Variants in GCA observed in about 807,000 individuals in gnomAD.
The protein encoded by GCA is grancalcin, EF-hand calcium-binding protein.
GCA carries 30 observed loss-of-function variants against 32.6 expected under a neutral mutation model. The observed-to-expected ratio is 0.92, with a 90% CI of 0.69 to 1.25. The LOEUF (loss-of-function observed/expected upper bound fraction) is 1.25, where lower values mean the gene tolerates loss of function less well. Ranked by LOEUF, GCA falls within the 50% of genes most tolerant of loss-of-function variation. The pLI is 0.00. For missense variants in GCA, 291 were observed against 266.8 expected, an observed-to-expected ratio of 1.09 and a Z score of -0.63; for synonymous variants, 102 against 84.6, an observed-to-expected ratio of 1.21 and a Z score of -1.13.
At chr2:162,320,269 C>A (rs1013415555) in intron 1 of GCA, among the ~76,000 whole-genome samples, 2 of 152,160 alleles carry the variant, frequency 1.3e-5, no homozygotes, top group African/African-American at 2.4e-5. Flanking sequence ...TGGGAGATGA[C>A]CTTGTACCCA....
intron 7 of GCA, 141 bp downstream of exon 7, chr2:162,359,693 C>T: frequency 2.3e-6 from 1 of 427,798 alleles, no homozygotes; most frequent in Non-Finnish European, 4.3e-6. Flanking sequence ...CAGTGTAACA[C>T]AAATATAAGA....
At chr2:162,371,850 A>T (rs771019746), downstream of GCA, 1 of 1,610,156 alleles carries the variant, frequency 6.2e-7, no homozygotes, top group Non-Finnish European at 8.5e-7. Flanking sequence ...GAAGACCAGG[A>T]TCAGAAACAT....
intron 1 of GCA, among the ~76,000 whole-genome samples, chr2:162,346,396 G>A (rs1359461885): frequency 6.6e-6 from 1 of 152,324 alleles, no homozygotes; most frequent in East Asian, 1.9e-4. Context: ...CTGGTGGTCA[G>A]ATTAATGATG....
chr2:162,360,023 G>GT (rs1409309388), intron 7 of GCA, among the ~76,000 whole-genome samples, 194 bp from the exon 8 acceptor site: 1 of 151,142 alleles, frequency 6.6e-6, no homozygotes. Flanking sequence ...ATGTTTCAGG[G>GT]TTTTTGTTTT....
intron 2 of GCA, among the ~76,000 whole-genome samples, chr2:162,351,433 C>G (rs183472046): frequency 1.8e-4 from 28 of 152,324 alleles, no homozygotes; most frequent in Non-Finnish European, 3.4e-4. Context: ...ATTCAGCTTT[C>G]TACCGCTAAT....
At chr2:162,372,735 A>G (rs1040164939), downstream of GCA, among the ~76,000 whole-genome samples, 1 of 152,156 alleles carries the variant, frequency 6.6e-6, no homozygotes, top group South Asian at 2.1e-4. Context: ...ACAAATCTTT[A>G]TTTAAATCAT....
At chr2:162,335,008 A>G (rs949224663) in intron 1 of GCA, among the ~76,000 whole-genome samples, 6 of 152,168 alleles carry the variant, frequency 3.9e-5, no homozygotes, top group African/African-American at 1.2e-4. Flanking sequence ...GAAACCACCC[A>G]TTTCCTCATC....
chr2:162,334,553 G>A (rs966371217), intron 1 of GCA, among the ~76,000 whole-genome samples: 2 of 152,112 alleles, frequency 1.3e-5, no homozygotes, highest in South Asian at 2.1e-4. Context: ...TATAGGGATC[G>A]TTTTCATGAC....
exon 1 of GCA, chr2:162,319,181 C>T (rs1170770446): frequency 4.4e-6 from 2 of 456,910 alleles, no homozygotes; most frequent in Middle Eastern, 3.3e-4. Flanking sequence ...AACCTGACCT[C>T]CTGTGGGTTC....
In GCA at chr2:162,360,349, T is replaced by C; in HGVS notation, c.*106T>C. The C allele has an allele frequency of 4.1e-6, 6 of 1,461,820 alleles. No homozygotes were observed. The highest frequency in any genetic ancestry group is 5.4e-6 in the Non-Finnish European group (6 of 1,106,176). 90.6% of individuals were successfully genotyped at this position (1,461,820 alleles called of 1,614,324 possible). A position where few individuals can be genotyped will look rare whatever the true frequency, so the allele number is the denominator to read the frequency against. The stretch of plus-strand genomic sequence containing the variant: ...AAGGGTTTTCTATGTTCTTCCTACC[T>C]GTTAAACCTCTTCCCTTTCTGTGTG... On this transcript the variant is annotated 3_prime_UTR_variant, in exon 8 of 8. Coordinates refer to ENST00000437150, the MANE Select transcript of GCA (RefSeq NM_012198.5).
chr2:162,344,087 T>A, upstream of GCA: 1 of 707,206 alleles, frequency 1.4e-6, no homozygotes, highest in Non-Finnish European at 2.5e-6. Context: ...AGGGCGGGGC[T>A]GGCCTGCGGA....
At chr2:162,373,573 A>T, downstream of GCA, 2 of 1,592,672 alleles carry the variant, frequency 1.3e-6, no homozygotes, top group South Asian at 1.1e-5. Flanking sequence ...TCCTGCTGTT[A>T]CCATACTGTA....
chr2:162,355,688 A>G (rs1457596342), intron 3 of GCA, among the ~76,000 whole-genome samples: 1 of 151,972 alleles, frequency 6.6e-6, no homozygotes, highest in Non-Finnish European at 1.5e-5. Flanking sequence ...AAGTGTTAAT[A>G]TTTCAAATCA....
At position 162,361,936 on chromosome 2, in the gene GCA, C is replaced by A. The variant is rs1027919751; in HGVS notation, c.*1693C>A. ...GGTCGTTACTGAACTATTCTGCGGTCGATTATGATTATCTCTCTTACTTGG... is the reference window on the plus strand; with the variant it reads ...GGTCGTTACTGAACTATTCTGCGGTAGATTATGATTATCTCTCTTACTTGG... On this transcript the variant is annotated 3_prime_UTR_variant, in exon 8 of 8. Coordinates refer to ENST00000437150, the MANE Select transcript of GCA (RefSeq NM_012198.5). The A allele has an allele frequency of 1.0e-6, 1 of 984,006 alleles. No individual in the cohort carries two copies. The highest frequency in any genetic ancestry group is 1.2e-6 in the Non-Finnish European group (1 of 829,054). The allele number at this position is 984,006 out of a possible 1,614,324, so 61.0% of individuals were successfully genotyped here. A position where few individuals can be genotyped will look rare whatever the true frequency, so the allele number is the denominator to read the frequency against.
chr2:162,364,345 T>C (rs1685685986), downstream of GCA, among the ~76,000 whole-genome samples: 1 of 151,500 alleles, frequency 6.6e-6, no homozygotes, highest in African/African-American at 2.4e-5. Flanking sequence ...TTTCAAATGA[T>C]TATAAGATTT....
chr2:162,360,734 T>C lies in GCA; in HGVS notation c.*491T>C. ...GTTTGTAATATAGTTTGTTCCTTGATCAAATAATCAGAGAAAAGAAACTTA... is the reference window on the plus strand; with the variant it reads ...GTTTGTAATATAGTTTGTTCCTTGACCAAATAATCAGAGAAAAGAAACTTA... On this transcript the variant is annotated 3_prime_UTR_variant, in exon 8 of 8. Transcript: ENST00000437150. 1 of 1,397,516 alleles carries C rather than the reference T, an allele frequency of 7.2e-7. No individual in the cohort carries two copies. Among genetic ancestry groups the C allele is most frequent in the Non-Finnish European group, 9.3e-7 (1 of 1,077,650 alleles). 86.6% of individuals were successfully genotyped at this position (1,397,516 alleles called of 1,614,324 possible). A position where few individuals can be genotyped will look rare whatever the true frequency, so the allele number is the denominator to read the frequency against.
intron 3 of GCA, among the ~76,000 whole-genome samples, chr2:162,354,613 A>G (rs1404562974): frequency 6.6e-6 from 1 of 152,064 alleles, no homozygotes; most frequent in Non-Finnish European, 1.5e-5. Context: ...CCACTTTCAC[A>G]CCCACTTTCA....
intron 1 of GCA, among the ~76,000 whole-genome samples, chr2:162,322,698 A>G (rs1576250293): frequency 6.6e-6 from 1 of 150,610 alleles, no homozygotes. Flanking sequence ...GAGAATGATG[A>G]TTTCCAATTT....
chr2:162,361,292 C>G lies in GCA; in HGVS notation c.*1049C>G, dbSNP rs1029767155. On this transcript the variant is annotated 3_prime_UTR_variant, in exon 8 of 8. Transcript: ENST00000437150. The stretch of plus-strand genomic sequence containing the variant: ...GGTACTAAAACTGCCGAAAATGCGA[C>G]GTAGAATCACCAGATCTTTAGTGTT... 1.0e-6 allele frequency: 1 copy of G among 984,458 alleles called. No homozygotes were observed. The highest frequency in any genetic ancestry group is 1.2e-6 in the Non-Finnish European group (1 of 829,384). 61.0% of individuals were successfully genotyped at this position (984,458 alleles called of 1,614,324 possible).
Sources: allele counts gnomAD v4.1 joint callset (sites outside exome capture counted in the v4.1 genomes callset), GRCh38; gene constraint gnomAD v4.1.1; transcripts MANE v1.5; gene names NCBI Gene and HGNC (gene_info 2026-07-23, HGNC 2026-07-21).